LOC114841035: variants seen among roughly 807,000 people sequenced by gnomAD.
At chr11:64,243,052 A>G in the LOC114841035 span, 1 of 683,728 alleles carries the variant, frequency 1.5e-6, no homozygotes. Flanking sequence ...AGCCATGGCA[A>G]CAGAGACTCC....
At chr11:64,242,448 A>G in the LOC114841035 span, 5 of 1,550,574 alleles carry the variant, frequency 3.2e-6, no homozygotes, top group African/African-American at 4.3e-5. Context: ...CGCCGTGGCC[A>G]CGGCCACGGG....
At chr11:64,242,609 A>T in the LOC114841035 span, 1 of 1,512,784 alleles carries the variant, frequency 6.6e-7, no homozygotes, top group South Asian at 1.3e-5. Context: ...TCCGAGGACC[A>T]GAGAGTGCTT....
the LOC114841035 span, chr11:64,243,917 C>T: frequency 6.2e-7 from 1 of 1,614,012 alleles, no homozygotes; most frequent in South Asian, 1.1e-5. Context: ...TGCAGCCAGC[C>T]CACCTCCCTG....
the LOC114841035 span, chr11:64,241,669 C>T: frequency 2.0e-5 from 3 of 152,242 alleles, no homozygotes; most frequent in South Asian, 2.0e-4. Context: ...CGAGTAATGG[C>T]CCCGGGCGTC....
chr11:64,243,881 T>A, the LOC114841035 span: 1 of 1,613,972 alleles, frequency 6.2e-7, no homozygotes, highest in Non-Finnish European at 8.5e-7. Context: ...TTCCAGGTAG[T>A]AAACCTTTTG....
At chr11:64,243,644 T>G in the LOC114841035 span, 21 of 1,208,388 alleles carry the variant, frequency 1.7e-5, no homozygotes, top group Non-Finnish European at 2.5e-5. Context: ...TAGCAGTGAG[T>G]ACAGGGCAAG....
the LOC114841035 span, chr11:64,242,468 CA>C: frequency 6.5e-7 from 1 of 1,548,972 alleles, no homozygotes; most frequent in Non-Finnish European, 8.7e-7. Context: ...GGGCCGAGGG[CA>C]AAAGGAAGCT....
At chr11:64,242,380 A>G in the LOC114841035 span, 1 of 1,517,554 alleles carries the variant, frequency 6.6e-7, no homozygotes, top group Non-Finnish European at 8.8e-7. Context: ...GTCTGTGCCC[A>G]CAGAGACATG....
chr11:64,243,689 T>A, the LOC114841035 span: 5 of 1,222,254 alleles, frequency 4.1e-6, no homozygotes, highest in Non-Finnish European at 5.9e-6. Flanking sequence ...GGCCCCACTC[T>A]GCCCTTGCCA....
At chr11:64,244,062 C>T in the LOC114841035 span, 29 of 1,590,964 alleles carry the variant, frequency 1.8e-5, no homozygotes, top group African/African-American at 3.6e-4. Flanking sequence ...GAGAGGCCCC[C>T]ATCAGGGACC....
chr11:64,243,049 G>T, the LOC114841035 span: 1 of 673,558 alleles, frequency 1.5e-6, no homozygotes. Flanking sequence ...TCCAGCCATG[G>T]CAACAGAGAC....
the LOC114841035 span, chr11:64,243,293 G>A: frequency 1.2e-6 from 2 of 1,606,976 alleles, no homozygotes; most frequent in Admixed American, 1.7e-5. Context: ...ATCAAGGGCT[G>A]GGACCAGGGG....
At chr11:64,243,975 A>T in the LOC114841035 span, 1 of 1,614,068 alleles carries the variant, frequency 6.2e-7, no homozygotes, top group South Asian at 1.1e-5. Context: ...CAGGTGGTGC[A>T]ACCCTGGTGT....
At chr11:64,243,777 C>G in the LOC114841035 span, 1 of 1,599,636 alleles carries the variant, frequency 6.3e-7, no homozygotes, top group Non-Finnish European at 8.6e-7. Flanking sequence ...GGAACACTCT[C>G]CCTTTGCCCA....
At chr11:64,244,099 A>G in the LOC114841035 span, 1 of 1,532,998 alleles carries the variant, frequency 6.5e-7, no homozygotes, top group Non-Finnish European at 8.9e-7. Flanking sequence ...AAAACAAAAA[A>G]CAAAAACAAA....
At chr11:64,244,048 G>C in the LOC114841035 span, 1 of 1,613,036 alleles carries the variant, frequency 6.2e-7, no homozygotes, top group Non-Finnish European at 8.5e-7. Context: ...GGGAGGGGCA[G>C]GGGGAGAGGC....
the LOC114841035 span, chr11:64,244,114 A>C: frequency 2.1e-6 from 3 of 1,463,246 alleles, no homozygotes; most frequent in African/African-American, 2.9e-5. Flanking sequence ...AACAAACAAA[A>C]AAACACTTAA....
chr11:64,243,587 C>A, the LOC114841035 span: 1 of 1,500,096 alleles, frequency 6.7e-7, no homozygotes. Flanking sequence ...TGGTCTTCAC[C>A]GTATCCATTC....
chr11:64,243,312 G>A, the LOC114841035 span: 1 of 1,602,506 alleles, frequency 6.2e-7, no homozygotes, highest in South Asian at 1.1e-5. Flanking sequence ...GGCTGCTGGG[G>A]TGAGTCATGG....
Sources: allele counts gnomAD v4.1 joint callset, GRCh38; gene constraint gnomAD v4.1.1; transcripts MANE v1.5.